Variants in WHRN observed in about 807,000 individuals in gnomAD.
The protein encoded by WHRN is whirlin.
A neutral mutation model predicts 68.3 loss-of-function variants in WHRN; 41 were observed. That is an observed-to-expected ratio of 0.60 (90% CI 0.47 to 0.78). The LOEUF is 0.78. WHRN is among the 30% of genes least tolerant of loss of function. WHRN has a pLI of 0.00. For synonymous variants in WHRN, 560 were observed against 561.3 expected (o/e 1.00, Z 0.03); for missense variants, 1,243 against 1,244.7 (o/e 1.00, Z 0.02).
At chr9:114,498,171 T>C (rs1371471369) in intron 1 of WHRN, among the ~76,000 whole-genome samples, 3 of 152,196 alleles carry the variant, frequency 2.0e-5, no homozygotes, top group Admixed American at 2.0e-4. Context: ...ACCTACTGTG[T>C]GCCGGGAGCT....
chr9:114,483,336 G>A (rs191627223), intron 1 of WHRN, among the ~76,000 whole-genome samples: 1 of 152,302 alleles, frequency 6.6e-6, no homozygotes, highest in East Asian at 1.9e-4. Flanking sequence ...TAAAATGTGT[G>A]TGGGTCATGC....
At chr9:114,461,838 G>T (rs1021128920) in intron 3 of WHRN, among the ~76,000 whole-genome samples, 1 of 152,166 alleles carries the variant, frequency 6.6e-6, no homozygotes, top group Non-Finnish European at 1.5e-5. Context: ...TATTACAATT[G>T]TAACTAAATA....
intron 3 of WHRN, among the ~76,000 whole-genome samples, chr9:114,435,465 A>G (rs76469797): frequency 0.031 from 4,768 of 152,318 alleles, 110 homozygotes; most frequent in South Asian, 0.062. Context: ...GGGAAGGAGC[A>G]TTTGATTTTT....
chr9:114,428,712 T>C (rs1461671483), intron 3 of WHRN, among the ~76,000 whole-genome samples: 1 of 152,168 alleles, frequency 6.6e-6, no homozygotes, highest in Non-Finnish European at 1.5e-5. Flanking sequence ...GCTGCCATCC[T>C]TTCCCTGACC....
chr9:114,481,317 G>A (rs1039300280), intron 1 of WHRN, among the ~76,000 whole-genome samples: 4 of 152,234 alleles, frequency 2.6e-5, no homozygotes, highest in Admixed American at 6.5e-5. Context: ...CGAGGATGGC[G>A]TCTCTCCAAA....
intron 2 of WHRN, chr9:114,478,346 G>GA: frequency 1.4e-6 from 1 of 718,830 alleles, no homozygotes; most frequent in East Asian, 2.7e-5. Flanking sequence ...CTTTTATTGT[G>GA]GCAGCTTAGC....
Position 114,504,843 on chromosome 9 carries a change from T to C in WHRN, c.-42A>G. The C allele has an allele frequency of 7.3e-7, 1 of 1,361,592 alleles. No homozygotes were observed. The highest frequency in any genetic ancestry group is 9.4e-7 in the Non-Finnish European group (1 of 1,068,006). 84.3% of individuals were successfully genotyped at this position (1,361,592 alleles called of 1,614,324 possible). ...GGCCGGGCTCTGAGCGCGCGGGGTG[T>C]GGGCGGTGCCGCTGTCCTCGCGGGT... On this transcript the variant is annotated 5_prime_UTR_variant, in exon 1 of 12. Coordinates refer to ENST00000362057, the MANE Select transcript of WHRN (RefSeq NM_015404.4).
intron 3 of WHRN, among the ~76,000 whole-genome samples, chr9:114,430,070 T>C (rs1280990113): frequency 6.6e-6 from 1 of 152,234 alleles, no homozygotes; most frequent in African/African-American, 2.4e-5. Context: ...TCAATTTTAA[T>C]CTTCCCTTTA....
rs1589055511 is a variant in WHRN at position 114,402,435 on chromosome 9, A to G, written c.*319T>C. 3 of 404,030 alleles carry G rather than the reference A, an allele frequency of 7.4e-6. No homozygotes were observed. The highest frequency in any genetic ancestry group is 1.0e-4 in the East Asian group (2 of 19,080). 25.0% of individuals were successfully genotyped at this position (404,030 alleles called of 1,614,324 possible). A position where few individuals can be genotyped will look rare whatever the true frequency, so the allele number is the denominator to read the frequency against. On this transcript the variant is annotated 3_prime_UTR_variant, in exon 12 of 12. Transcript: ENST00000362057. The stretch of plus-strand genomic sequence containing the variant: ...GGGCTGGGTCCTAGCTGGAGGGGGG[A>G]CAGCAGTGCCCCCAACCCAACCTGG...
rs1274920421 is a variant in WHRN at position 114,504,550 on chromosome 9, A to G, written c.252T>C (p.Ser84=). 1.2e-6 allele frequency: 2 copies of G among 1,611,116 alleles called. No homozygotes were observed. The highest frequency in any genetic ancestry group is 2.2e-5 in the East Asian group (1 of 44,874). Residue 84 remains serine (S), a synonymous_variant, in exon 1 of 12, where the codon AGT becomes AGC. Coordinates refer to ENST00000362057, the MANE Select transcript of WHRN (RefSeq NM_015404.4). ...TGGGCAGCAGGCGCCGCTTGACCGG[A>G]CTGTCCAGCAGCACGCGCAGGGTGC... The part of the protein sequence containing the change: ...LVRTLRVLLD[S]PVKRRLLPML...
Position 114,456,929 on chromosome 9 carries a change from G to A in WHRN, c.963+9338C>T, listed in dbSNP as rs1406365511. ...TATGTTTTAGGTGATTCTTACTCTGGGAAAAAGCTATAAGTAAGGAAAGGG... is the reference window on the plus strand; with the variant it reads ...TATGTTTTAGGTGATTCTTACTCTGAGAAAAAGCTATAAGTAAGGAAAGGG... On this transcript the variant is annotated intron_variant, in intron 3 of 11. Coordinates refer to ENST00000362057, the MANE Select transcript of WHRN (RefSeq NM_015404.4). Among the ~76,000 whole-genome samples the A allele has an allele frequency of 1.3e-4, 20 of 152,042 alleles. 1 individual carries two copies. The highest frequency in any genetic ancestry group is 2.9e-4 in the Non-Finnish European group (20 of 68,018).
chr9:114,442,766 G>T (rs1838483856), intron 3 of WHRN, among the ~76,000 whole-genome samples: 1 of 152,124 alleles, frequency 6.6e-6, no homozygotes, highest in African/African-American at 2.4e-5. Flanking sequence ...GCTTCCTGAG[G>T]TCCTCACCTA....
chr9:114,419,011 G>C (rs1316968676), intron 7 of WHRN, among the ~76,000 whole-genome samples: 1 of 152,128 alleles, frequency 6.6e-6, no homozygotes, highest in African/African-American at 2.4e-5. Context: ...TTTGTTAACA[G>C]AAAGGAAGGA....
intron 3 of WHRN, among the ~76,000 whole-genome samples, chr9:114,442,793 G>A (rs764738218): frequency 1.3e-5 from 2 of 152,078 alleles, no homozygotes; most frequent in Non-Finnish European, 2.9e-5. Context: ...TTGCTGGCAC[G>A]GCCTGCAGAA....
chr9:114,404,489 C>A (rs141249630), intron 9 of WHRN, among the ~76,000 whole-genome samples: 2 of 152,234 alleles, frequency 1.3e-5, no homozygotes, highest in Non-Finnish European at 2.9e-5. Flanking sequence ...TAAGTAATTT[C>A]TAGTTTCCCA....
intron 4 of WHRN, chr9:114,425,241 G>A: frequency 1.5e-6 from 1 of 685,752 alleles, no homozygotes; most frequent in Non-Finnish European, 2.7e-6. Context: ...AGTGTGCACG[G>A]CACCTCCAAA....
chr9:114,429,372 C>T (rs1837198699), intron 3 of WHRN, among the ~76,000 whole-genome samples: 1 of 152,190 alleles, frequency 6.6e-6, no homozygotes, highest in Non-Finnish European at 1.5e-5. Flanking sequence ...GGTTCAAATG[C>T]TAACTCTATC....
chr9:114,449,733 C>T (rs10739414), intron 3 of WHRN, among the ~76,000 whole-genome samples: 1 of 151,966 alleles, frequency 6.6e-6, no homozygotes, highest in Non-Finnish European at 1.5e-5. Context: ...TTGGGAAAGA[C>T]GTTCATCATC....
chr9:114,501,420 A>G (rs1843910718), intron 1 of WHRN, among the ~76,000 whole-genome samples: 1 of 152,212 alleles, frequency 6.6e-6, no homozygotes, highest in Non-Finnish European at 1.5e-5. Context: ...GTAACAATGG[A>G]TGCTTGATTT....
Sources: gnomAD v4.1 joint callset for allele counts (sites outside exome capture counted in the v4.1 genomes callset) on GRCh38, gnomAD v4.1.1 for gene constraint, MANE v1.5 for transcripts, NCBI Gene and HGNC (gene_info 2026-07-23, HGNC 2026-07-21) for gene names.